SCHIP1: variants seen among roughly 807,000 people sequenced by gnomAD.
The protein encoded by SCHIP1 is schwannomin interacting protein 1.
In SCHIP1, 8 loss-of-function variants were observed where a neutral mutation model predicts 29.7. The ratio of observed to expected loss-of-function variants is 0.27; its 90% CI spans 0.16 to 0.49. The LOEUF (loss-of-function observed/expected upper bound fraction) is 0.49. Among genes scored for constraint, SCHIP1 ranks in the 20% least tolerant of loss-of-function variants. The pLI, the probability that SCHIP1 is intolerant of heterozygous loss-of-function variation, is 0.99. For missense variants in SCHIP1, 193 were observed against 294.6 expected (o/e 0.66, Z 2.52); for synonymous variants, 76 against 94.9 (o/e 0.80, Z 1.16).
the SCHIP1 span, among the ~76,000 whole-genome samples, chr3:159,805,242 G>C: frequency 4.6e-5 from 7 of 152,128 alleles, no homozygotes; most frequent in Non-Finnish European, 1.0e-4. Context: ...TTAGACTCCT[G>C]CTGTTCTGAG....
chr3:159,652,322 G>A, the SCHIP1 span, among the ~76,000 whole-genome samples: 1 of 152,058 alleles, frequency 6.6e-6, no homozygotes, highest in African/African-American at 2.4e-5. Context: ...GTAGTGATTG[G>A]TGGTTTTTTA....
chr3:159,588,969 A>G, the SCHIP1 span, among the ~76,000 whole-genome samples: 9 of 152,110 alleles, frequency 5.9e-5, no homozygotes, highest in African/African-American at 2.2e-4. Flanking sequence ...TGCATATGAA[A>G]TTTAAAGTAG....
chr3:159,702,424 A>C, the SCHIP1 span, among the ~76,000 whole-genome samples: 1 of 152,232 alleles, frequency 6.6e-6, no homozygotes, highest in Non-Finnish European at 1.5e-5. Flanking sequence ...TAATACCCCA[A>C]GAAACTATTA....
the SCHIP1 span, among the ~76,000 whole-genome samples, chr3:159,797,560 A>C: frequency 8.0e-5 from 12 of 150,176 alleles, no homozygotes; most frequent in Admixed American, 7.2e-4. Context: ...ACTTACAAGC[A>C]AGCAAATTTA....
the SCHIP1 span, among the ~76,000 whole-genome samples, chr3:159,292,391 CAG>C: frequency 5.9e-4 from 90 of 152,226 alleles, no homozygotes; most frequent in Non-Finnish European, 1.2e-3. Context: ...GTGAAGTAAA[CAG>C]AGTCTTGGTT....
intron 2 of SCHIP1, among the ~76,000 whole-genome samples, chr3:159,868,976 A>G (rs776987601): frequency 1.3e-5 from 2 of 151,980 alleles, no homozygotes; most frequent in Admixed American, 6.6e-5. Flanking sequence ...AATTCTTTTA[A>G]GTTTTTGTGA....
the SCHIP1 span, among the ~76,000 whole-genome samples, chr3:159,403,093 A>T: frequency 2.8e-4 from 43 of 152,342 alleles, no homozygotes; most frequent in Middle Eastern, 0.017. Context: ...TCATTTACAA[A>T]AGTAAAGATC....
At chr3:159,407,294 TGTC>T in the SCHIP1 span, among the ~76,000 whole-genome samples, 1 of 152,076 alleles carries the variant, frequency 6.6e-6, no homozygotes, top group African/African-American at 2.4e-5. Flanking sequence ...GGACAAAAAA[TGTC>T]GTTATATAAT....
At chr3:159,667,151 G>T in the SCHIP1 span, among the ~76,000 whole-genome samples, 1 of 152,170 alleles carries the variant, frequency 6.6e-6, no homozygotes, top group South Asian at 2.1e-4. Context: ...TTGTAGCTTA[G>T]ATCGGATGCT....
the SCHIP1 span, among the ~76,000 whole-genome samples, chr3:159,682,021 C>T: frequency 6.6e-6 from 1 of 152,228 alleles, no homozygotes; most frequent in East Asian, 1.9e-4. Flanking sequence ...CCACATTCCA[C>T]AGACCTTCCC....
At chr3:159,768,146 G>A in the SCHIP1 span, among the ~76,000 whole-genome samples, 2 of 151,934 alleles carry the variant, frequency 1.3e-5, no homozygotes, top group Non-Finnish European at 2.9e-5. Flanking sequence ...CTAGTTCCCC[G>A]CCCCCTTTTT....
the SCHIP1 span, among the ~76,000 whole-genome samples, chr3:159,591,134 C>T: frequency 3.3e-5 from 5 of 152,276 alleles, no homozygotes; most frequent in Non-Finnish European, 5.9e-5. Context: ...TCTGAACTTT[C>T]GGATTCCTAG....
intron 1 of SCHIP1, among the ~76,000 whole-genome samples, chr3:159,841,988 A>AT: frequency 6.6e-6 from 1 of 152,160 alleles, no homozygotes; most frequent in Non-Finnish European, 1.5e-5. Context: ...CCAAATCTTA[A>AT]TCCCACTTAG....
At chr3:159,785,708 A>G in the SCHIP1 span, among the ~76,000 whole-genome samples, 1 of 152,080 alleles carries the variant, frequency 6.6e-6, no homozygotes, top group East Asian at 1.9e-4. Context: ...AAGCCACCCA[A>G]CTGTCAAAAG....
the SCHIP1 span, among the ~76,000 whole-genome samples, chr3:159,428,761 G>A: frequency 6.6e-6 from 1 of 151,864 alleles, no homozygotes; most frequent in Admixed American, 6.6e-5. Context: ...GTTTATTGCG[G>A]CACTATTCAC....
chr3:159,786,434 G>T, the SCHIP1 span, among the ~76,000 whole-genome samples: 1 of 152,100 alleles, frequency 6.6e-6, no homozygotes, highest in Non-Finnish European at 1.5e-5. Flanking sequence ...TTCAAATTGA[G>T]CCAAAATGGA....
At chr3:159,624,968 T>G in the SCHIP1 span, among the ~76,000 whole-genome samples, 1 of 152,172 alleles carries the variant, frequency 6.6e-6, no homozygotes, top group Non-Finnish European at 1.5e-5. Flanking sequence ...TGAACCAGCA[T>G]TATATATTGA....
chr3:159,651,118 G>A, the SCHIP1 span, among the ~76,000 whole-genome samples: 1 of 152,104 alleles, frequency 6.6e-6, no homozygotes, highest in African/African-American at 2.4e-5. Context: ...TTACATAAGT[G>A]TTATTTGCTA....
chr3:159,465,738 T>G, the SCHIP1 span, among the ~76,000 whole-genome samples: 2 of 152,174 alleles, frequency 1.3e-5, no homozygotes, highest in African/African-American at 4.8e-5. Context: ...TTCTAAGGCA[T>G]CTTTCTTTTA....
Sources: allele counts gnomAD v4.1 joint callset (sites outside exome capture counted in the v4.1 genomes callset), GRCh38; gene constraint gnomAD v4.1.1; transcripts MANE v1.5; gene names NCBI Gene and HGNC (gene_info 2026-07-23, HGNC 2026-07-21).